Variants in MAN1B1 observed in about 807,000 individuals in gnomAD.
The protein encoded by MAN1B1 is endoplasmic reticulum mannosyl-oligosaccharide 1,2-alpha-mannosidase.
MAN1B1 carries 66 observed loss-of-function variants against 75.5 expected under a neutral mutation model. That is an observed-to-expected ratio of 0.87 (90% CI 0.72 to 1.07). MAN1B1 has a LOEUF of 1.07. Among genes scored for constraint, MAN1B1 ranks in the 50% least tolerant of loss-of-function variants. The pLI is 0.00. For synonymous variants in MAN1B1, 453 were observed against 382.8 expected, an observed-to-expected ratio of 1.18 and a Z score of -2.14; for missense variants, 973 against 912.5, an observed-to-expected ratio of 1.07 and a Z score of -0.85.
rs758251168 is a variant in MAN1B1, at chr9:137,101,660, T to C, written c.1242T>C (p.Asp414=). ...EFRELSRLTG[D]KKFQEAVEKV... is the part of the protein sequence containing the mutation. ...GGGAGCTCTCCCGTCTCACAGGGGATAAGAAGTTTCAGGTAAGGGGGCAGG... is the reference window on the plus strand; with the variant it reads ...GGGAGCTCTCCCGTCTCACAGGGGACAAGAAGTTTCAGGTAAGGGGGCAGG... The change falls in exon 8 of 13, where the codon GAT becomes GAC. Residue 414 remains aspartate, a synonymous_variant. Transcript: ENST00000371589. 1.9e-6 allele frequency: 3 copies of C among 1,612,366 alleles called. No individual in the cohort carries two copies. Among genetic ancestry groups the C allele is most frequent in the Non-Finnish European group, 2.5e-6 (3 of 1,179,034 alleles).
Position 137,106,168 on chromosome 9 carries a change from G to C in MAN1B1, c.1298G>C (p.Gly433Ala), listed in dbSNP as rs774769293. Residue 433 changes from glycine (G) to alanine (A), a missense_variant, in exon 9 of 13, where the codon GGG becomes GCG. Gly to Ala is a moderately conservative substitution (Grantham distance 60). Coordinates refer to ENST00000371589, the MANE Select transcript of MAN1B1 (RefSeq NM_016219.5). ...ACACAGCACATCCACGGCCTGTCTG[G>C]GAAGAAGGATGGGCTGGTGCCCATG... Reference protein sequence around the residue: ...KVTQHIHGLSGKKDGLVPMFI... With the variant: ...KVTQHIHGLSAKKDGLVPMFI... The C allele has an allele frequency of 4.3e-6, 7 of 1,612,950 alleles. No individual in the cohort carries two copies. Among genetic ancestry groups the C allele is most frequent in the African/African-American group, 2.7e-5 (2 of 75,064 alleles).
intron 1 of MAN1B1, 56 bp from the exon 2 acceptor site, chr9:137,088,019 G>T (rs1830420222): frequency 1.5e-6 from 2 of 1,295,584 alleles, no homozygotes; most frequent in African/African-American, 2.9e-5. Flanking sequence ...TGTGACAGTT[G>T]AGACGTTCCG....
At chr9:137,099,601 C>G in intron 5 of MAN1B1, 95 bp from the exon 6 acceptor site, 1 of 1,367,850 alleles carries the variant, frequency 7.3e-7, no homozygotes, top group Non-Finnish European at 1.0e-6. Context: ...ATCTTTGCCC[C>G]ATGGGGGTCA....
At chr9:137,094,116 G>A (rs1315485302) in intron 3 of MAN1B1, among the ~76,000 whole-genome samples, 1 of 151,152 alleles carries the variant, frequency 6.6e-6, no homozygotes, top group Non-Finnish European at 1.5e-5. Context: ...TCGGGTTCAA[G>A]TGATTCTCCT....
At chr9:137,101,189 G>A in intron 7 of MAN1B1, 36 bp downstream of exon 7, 1 of 1,612,276 alleles carries the variant, frequency 6.2e-7, no homozygotes, top group Non-Finnish European at 8.5e-7. Flanking sequence ...GGAGATGGTG[G>A]ACTCGCATTC....
At chr9:137,094,427 A>G in intron 3 of MAN1B1, 1 of 499,246 alleles carries the variant, frequency 2.0e-6, no homozygotes, top group South Asian at 1.4e-5. Context: ...CAGTGATTGC[A>G]TGACCTGGTG....
intron 2 of MAN1B1, chr9:137,088,589 T>C: frequency 1.4e-6 from 1 of 735,992 alleles, no homozygotes; most frequent in Non-Finnish European, 2.2e-6. Context: ...GGAGCAAAGC[T>C]AAAGGGCTCC....
Position 137,088,476 on chromosome 9 carries a change from C to G in MAN1B1, c.328+293C>G, listed in dbSNP as rs917002186. ...TGAACACTCAGCCTAAATAACCACA[C>G]AAATTTCGTAGCACTCATTAGCGTG... is the stretch of plus-strand genomic sequence containing the variant. On this transcript the variant is annotated intron_variant, in intron 2 of 12. Coordinates refer to ENST00000371589, the MANE Select transcript of MAN1B1 (RefSeq NM_016219.5). 2.0e-4 allele frequency: 296 copies of G among 1,462,498 alleles called. 1 individual carries two copies. The highest frequency in any genetic ancestry group is 2.4e-4 in the Non-Finnish European group (263 of 1,080,456). 90.6% of individuals were successfully genotyped at this position (1,462,498 alleles called of 1,614,324 possible). A position where few individuals can be genotyped will look rare whatever the true frequency, so the allele number is the denominator to read the frequency against.
At chr9:137,101,789 G>A (rs573254164) in intron 8 of MAN1B1, 117 bp downstream of exon 8, 416 of 1,253,110 alleles carry the variant, frequency 3.3e-4, no homozygotes, top group South Asian at 1.1e-3. Context: ...TTTTTACTGT[G>A]ATAAAACACA....
Position 137,106,815 on chromosome 9 carries a change from T to A in MAN1B1, c.1566+6T>A. 6.2e-7 allele frequency: 1 copy of A among 1,612,972 alleles called. No individual in the cohort carries two copies. The highest frequency in any genetic ancestry group is 8.5e-7 in the Non-Finnish European group (1 of 1,179,852). On this transcript the variant is annotated splice_donor_region_variant and intron_variant, in intron 10 of 12. Coordinates refer to ENST00000371589, the MANE Select transcript of MAN1B1 (RefSeq NM_016219.5). ...GCCGCTTCAGTGCCAAGATGGTGAGTGTGTCTGCGGGGCCTTCCGGCCGCC... is the reference window on the plus strand; with the variant it reads ...GCCGCTTCAGTGCCAAGATGGTGAGAGTGTCTGCGGGGCCTTCCGGCCGCC...
rs776101091 is a variant in MAN1B1, at chr9:137,096,410, G to C, written c.620+19G>C. ...TCATCAGGTACAGAGCGCAGGGCAG[G>C]CTGCACGCCGCCGCTCAGGGCTTGA... is the stretch of plus-strand genomic sequence containing the variant. On this transcript the variant is annotated intron_variant, in intron 4 of 12. Transcript: ENST00000371589. 1.9e-6 allele frequency: 3 copies of C among 1,612,142 alleles called. No individual in the cohort carries two copies. Among genetic ancestry groups the C allele is most frequent in the Non-Finnish European group, 2.5e-6 (3 of 1,179,340 alleles).
chr9:137,096,637 G>A (rs1830660323), intron 4 of MAN1B1, among the ~76,000 whole-genome samples: 1 of 152,256 alleles, frequency 6.6e-6, no homozygotes, highest in South Asian at 2.1e-4. Flanking sequence ...TTGTGTGCGT[G>A]TGAAGGGTGC....
chr9:137,087,324 C>A (rs1212445398), intron 1 of MAN1B1, 106 bp downstream of exon 1: 2 of 1,268,886 alleles, frequency 1.6e-6, no homozygotes, highest in African/African-American at 1.5e-5. Flanking sequence ...ACTCCCCAGG[C>A]GCCGCCCTCT....
chr9:137,088,604 C>A, intron 2 of MAN1B1: 1 of 685,988 alleles, frequency 1.5e-6, no homozygotes, highest in Non-Finnish European at 2.4e-6. Context: ...GGCTCCTGCC[C>A]ACCTGCCACA....
Position 137,108,374 on chromosome 9 carries a change from T to C in MAN1B1, c.1897-14T>C. On this transcript the variant is annotated splice_polypyrimidine_tract_variant and intron_variant, in intron 12 of 12. Transcript: ENST00000371589. ...TGCCCCCCGTGTGGTGACGAGGCCC[T>C]GGCTGCTGCACAGGTCCCCTCGGGT... 1 of 1,612,738 alleles carries C rather than the reference T, an allele frequency of 6.2e-7. No individual in the cohort carries two copies. The highest frequency in any genetic ancestry group is 1.3e-5 in the African/African-American group (1 of 75,006).
chr9:137,087,331 C>T, intron 1 of MAN1B1, 113 bp downstream of exon 1: 2 of 1,188,434 alleles, frequency 1.7e-6, no homozygotes, highest in South Asian at 1.4e-5. Context: ...AGGCGCCGCC[C>T]TCTCCACCCC....
chr9:137,095,665 C>T (rs372574862), intron 3 of MAN1B1, among the ~76,000 whole-genome samples: 5 of 152,318 alleles, frequency 3.3e-5, no homozygotes, highest in South Asian at 2.1e-4. Flanking sequence ...AGCCTCAGTC[C>T]GTGACACGGT....
chr9:137,101,362 G>C, intron 7 of MAN1B1, 122 bp from the exon 8 acceptor site: 1 of 1,136,784 alleles, frequency 8.8e-7, no homozygotes, highest in Non-Finnish European at 1.3e-6. Context: ...AGTGATGCCC[G>C]TTTCCTTGCT....
chr9:137,100,828 C>G (rs926392304), intron 6 of MAN1B1, among the ~76,000 whole-genome samples, 177 bp from the exon 7 acceptor site: 8 of 152,210 alleles, frequency 5.3e-5, no homozygotes, highest in Non-Finnish European at 1.0e-4. Flanking sequence ...CCATGTTGTC[C>G]AGGCTGGTCT....
Sources: allele counts gnomAD v4.1 joint callset (sites outside exome capture counted in the v4.1 genomes callset), GRCh38; gene constraint gnomAD v4.1.1; transcripts MANE v1.5; gene names NCBI Gene and HGNC (gene_info 2026-07-23, HGNC 2026-07-21).